Variants in MRPS35 observed in about 807,000 individuals in gnomAD.
The protein encoded by MRPS35 is small ribosomal subunit protein mS35.
Under a neutral mutation model 32.7 loss-of-function variants are expected in MRPS35, and 29 were observed. The ratio of observed to expected loss-of-function variants is 0.89; its 90% CI spans 0.66 to 1.21. The LOEUF (loss-of-function observed/expected upper bound fraction) is 1.21. Ranked by LOEUF, MRPS35 falls within the 50% of genes most tolerant of loss-of-function variation. MRPS35 has a pLI of 0.00. For synonymous variants in MRPS35, 148 were observed against 139.3 expected (o/e 1.06, Z -0.44); for missense variants, 373 against 383.8 (o/e 0.97, Z 0.23).
chr12:27,740,640 T>G (rs1161689416), intron 7 of MRPS35, among the ~76,000 whole-genome samples: 1 of 152,172 alleles, frequency 6.6e-6, no homozygotes, highest in African/African-American at 2.4e-5. Flanking sequence ...GCTGCTAATT[T>G]TATGTAGCTT....
intron 3 of MRPS35, among the ~76,000 whole-genome samples, chr12:27,716,945 G>A (rs1340258743): frequency 6.6e-6 from 1 of 152,062 alleles, no homozygotes; most frequent in African/African-American, 2.4e-5. Context: ...GAGCCGAGAT[G>A]GCGCCACTGC....
At chr12:27,739,588 A>G (rs1471012733) in intron 7 of MRPS35, among the ~76,000 whole-genome samples, 1 of 152,218 alleles carries the variant, frequency 6.6e-6, no homozygotes. Context: ...TCTGGCTTTA[A>G]GAGCAACATC....
At chr12:27,733,720 C>T (rs191341098) in intron 5 of MRPS35, among the ~76,000 whole-genome samples, 1 of 152,004 alleles carries the variant, frequency 6.6e-6, no homozygotes, top group Non-Finnish European at 1.5e-5. Context: ...AGTCAGTAAC[C>T]TGGTAGTTGA....
At chr12:27,737,299 A>G (rs557131197) in intron 6 of MRPS35, among the ~76,000 whole-genome samples, 1 of 152,356 alleles carries the variant, frequency 6.6e-6, no homozygotes, top group East Asian at 1.9e-4. Flanking sequence ...TTACATACAG[A>G]TAACTCCATT....
At chr12:27,714,632 A>T (rs1318218692) in intron 1 of MRPS35, 148 bp from the exon 2 acceptor site, 2 of 607,446 alleles carry the variant, frequency 3.3e-6, no homozygotes, top group Admixed American at 3.3e-5. Flanking sequence ...CCCTGAGCTT[A>T]CCAAAAAAAA....
At chr12:27,715,802 G>A (rs2061847894) in intron 2 of MRPS35, among the ~76,000 whole-genome samples, 1 of 152,128 alleles carries the variant, frequency 6.6e-6, no homozygotes, top group South Asian at 2.1e-4. Context: ...AAGCTATCAA[G>A]TACTAGTTTT....
intron 7 of MRPS35, among the ~76,000 whole-genome samples, chr12:27,745,147 C>T (rs546863724): frequency 6.6e-6 from 1 of 152,308 alleles, no homozygotes; most frequent in South Asian, 2.1e-4. Context: ...CTTCAAAATA[C>T]TTTGTCTTTT....
rs1344138285 is a variant in MRPS35 at position 27,751,124 on chromosome 12, A to AAAG, written c.703-4054_703-4052dup. ...TCTCAAAAAAAAAAAAAAAAAAAAA[A>AAAG]AAGAAAAGAAAAGAAAAAGGAAAAG... On this transcript the variant is annotated intron_variant, in intron 7 of 7. Transcript: ENST00000081029. 2.0e-4 allele frequency among the ~76,000 whole-genome samples: 29 copies of AAAG among 147,480 alleles called. 1 individual carries two copies. The East Asian group carries it at 5.6e-3, about 29-fold the overall frequency.
At chr12:27,750,530 C>A (rs2061997644) in intron 7 of MRPS35, among the ~76,000 whole-genome samples, 1 of 152,168 alleles carries the variant, frequency 6.6e-6, no homozygotes, top group Admixed American at 6.5e-5. Flanking sequence ...TGGCTGGGCA[C>A]AGTGGCTCAC....
intron 7 of MRPS35, among the ~76,000 whole-genome samples, chr12:27,751,522 T>C (rs532162941): frequency 1.3e-5 from 2 of 152,338 alleles, no homozygotes; most frequent in South Asian, 2.1e-4. Flanking sequence ...CACCTTTATC[T>C]CGGCGGTTTG....
chr12:27,749,138 A>ATT (rs10706615), intron 7 of MRPS35, among the ~76,000 whole-genome samples: 2 of 151,494 alleles, frequency 1.3e-5, no homozygotes, highest in Non-Finnish European at 1.5e-5. Context: ...ATTATGGATG[A>ATT]TTTTTTTTTT....
rs150266044 is a variant in MRPS35 at position 27,730,500 on chromosome 12, G to A, written c.523-4947G>A. Among the ~76,000 whole-genome samples the A allele has an allele frequency of 3.9e-5, 6 of 152,298 alleles. No homozygotes were observed. The East Asian group carries it at 1.2e-3, about 29-fold the overall frequency. On this transcript the variant is annotated intron_variant, in intron 5 of 7. Transcript: ENST00000081029. ...GTCTCATTCTGTCACTTACGCTGGA[G>A]TGCAGTGGCACAAGCACGGCTCACT... is the stretch of plus-strand genomic sequence containing the variant.
intron 6 of MRPS35, 45 bp from the exon 7 acceptor site, chr12:27,737,494 A>G: frequency 6.6e-7 from 1 of 1,503,926 alleles, no homozygotes; most frequent in Non-Finnish European, 9.2e-7. Flanking sequence ...TTTTCTGTGT[A>G]CTGAGTTTTT....
At chr12:27,711,221 G>C (rs1273832438) in intron 1 of MRPS35, among the ~76,000 whole-genome samples, 1 of 152,232 alleles carries the variant, frequency 6.6e-6, no homozygotes, top group Non-Finnish European at 1.5e-5. Flanking sequence ...ACCTGCTCCT[G>C]TGTTGCCCCC....
intron 4 of MRPS35, among the ~76,000 whole-genome samples, chr12:27,720,418 A>G (rs2061869024): frequency 6.6e-6 from 1 of 151,694 alleles, no homozygotes; most frequent in Admixed American, 6.6e-5. Context: ...AAGAAAACAA[A>G]CATGTTCCAT....
Position 27,755,626 on chromosome 12 carries a change from C to A in MRPS35, c.*176C>A. 2.0e-6 allele frequency: 1 copy of A among 494,276 alleles called. No homozygotes were observed. The highest frequency in any genetic ancestry group is 3.3e-6 in the Non-Finnish European group (1 of 302,680). 30.6% of individuals were successfully genotyped at this position (494,276 alleles called of 1,614,324 possible). A position where few individuals can be genotyped will look rare whatever the true frequency, so the allele number is the denominator to read the frequency against. ...TTACTCCAGAGTTTTTTAATTTTTA[C>A]ACTGGGGCAATAGACTAGGAGGTCT... On this transcript the variant is annotated 3_prime_UTR_variant, in exon 8 of 8. Coordinates refer to ENST00000081029, the MANE Select transcript of MRPS35 (RefSeq NM_021821.4).
chr12:27,738,459 G>A (rs528034072), intron 7 of MRPS35, among the ~76,000 whole-genome samples: 4 of 152,154 alleles, frequency 2.6e-5, no homozygotes, highest in Non-Finnish European at 4.4e-5. Context: ...AAAAATACTC[G>A]AGTCTGAATT....
At chr12:27,725,798 CTTTTTTTTTTTT>C (rs1176188580) in intron 5 of MRPS35, 2 of 68,266 alleles carry the variant, frequency 2.9e-5, no homozygotes, top group East Asian at 4.6e-4. Context: ...CCTTGTATAC[CTTTTTTTTTTTT>C]TTTTTTTTTT....
chr12:27,743,971 G>A (rs1489318538), intron 7 of MRPS35, among the ~76,000 whole-genome samples: 2 of 152,180 alleles, frequency 1.3e-5, no homozygotes, highest in Non-Finnish European at 2.9e-5. Flanking sequence ...CATTTGGTCT[G>A]TAGCACGGGT....
Sources: gnomAD v4.1 joint callset for allele counts (sites outside exome capture counted in the v4.1 genomes callset) on GRCh38, gnomAD v4.1.1 for gene constraint, MANE v1.5 for transcripts, NCBI Gene and HGNC (gene_info 2026-07-23, HGNC 2026-07-21) for gene names.